The following SPAG16 variants were observed in gnomAD, a reference collection of about 807,000 sequenced individuals.
The protein encoded by SPAG16 is sperm-associated antigen 16 protein.
In SPAG16, 86 loss-of-function variants were observed where a neutral mutation model predicts 80.4. The ratio of observed to expected loss-of-function variants is 1.07; its 90% CI spans 0.90 to 1.28. SPAG16 has a LOEUF of 1.28. Ranked by LOEUF, SPAG16 falls within the 50% of genes most tolerant of loss-of-function variation. The pLI is 0.00. For synonymous variants in SPAG16, 294 were observed against 265.9 expected (o/e 1.11, Z -1.03); for missense variants, 870 against 765.3 (o/e 1.14, Z -1.61).
intron 15 of SPAG16, among the ~76,000 whole-genome samples, chr2:214,267,072 A>G (rs1691626239): frequency 6.6e-6 from 1 of 151,826 alleles, no homozygotes; most frequent in Non-Finnish European, 1.5e-5. Context: ...TCTTCACAGA[A>G]ATAGAAAAAA....
At chr2:213,536,837 C>A (rs11676279) in intron 10 of SPAG16, among the ~76,000 whole-genome samples, 1 of 151,852 alleles carries the variant, frequency 6.6e-6, no homozygotes, top group African/African-American at 2.4e-5. Context: ...GACTATAAAT[C>A]ATGCTGCTAT....
chr2:214,234,352 A>C (rs1278177876), intron 15 of SPAG16, among the ~76,000 whole-genome samples: 1 of 152,018 alleles, frequency 6.6e-6, no homozygotes, highest in Non-Finnish European at 1.5e-5. Flanking sequence ...TGAACATAGG[A>C]GTGCATGTAT....
intron 10 of SPAG16, among the ~76,000 whole-genome samples, chr2:213,815,406 C>G (rs141038013): frequency 4.3e-4 from 65 of 152,246 alleles, no homozygotes; most frequent in African/African-American, 1.2e-3. Flanking sequence ...AGTTACAGGA[C>G]TGTGTGAATT....
At position 213,284,578 on chromosome 2, in the gene SPAG16, C is replaced by T. The variant is rs1015236876; in HGVS notation, c.95C>T (p.Thr32Met). The T allele has an allele frequency of 8.1e-6, 13 of 1,609,478 alleles. No homozygotes were observed. The highest frequency in any genetic ancestry group is 1.1e-5 in the Non-Finnish European group (13 of 1,178,430). ...ACGGCAGCCGGGGACGCGAGGGACA[C>T]GGCGGACGCGGTGGCGGCTGAGGGC... Reference protein sequence around the residue: ...GLTAAGDARDTADAVAAEGAY... With the variant: ...GLTAAGDARDMADAVAAEGAY... The change falls in exon 1 of 16, where the codon ACG (threonine) becomes ATG (methionine). Residue 32 changes from threonine (T) to methionine (M), a missense_variant. By Grantham distance (81) the Thr-to-Met change is moderately conservative. Coordinates refer to ENST00000331683, the MANE Select transcript of SPAG16 (RefSeq NM_024532.5).
chr2:214,276,242 T>C (rs1692454516), intron 15 of SPAG16, among the ~76,000 whole-genome samples: 3 of 152,234 alleles, frequency 2.0e-5, no homozygotes, highest in Admixed American at 2.0e-4. Flanking sequence ...TCTTGGCTCT[T>C]TATCCAATTT....
At chr2:213,850,071 T>C (rs1241877853) in intron 10 of SPAG16, among the ~76,000 whole-genome samples, 2 of 152,206 alleles carry the variant, frequency 1.3e-5, no homozygotes, top group Non-Finnish European at 2.9e-5. Flanking sequence ...TGGAAGTAGT[T>C]CACCTGTTTC....
intron 10 of SPAG16, among the ~76,000 whole-genome samples, chr2:213,549,862 A>C (rs1455088480): frequency 6.6e-6 from 1 of 152,154 alleles, no homozygotes; most frequent in East Asian, 1.9e-4. Flanking sequence ...TAAGGTTAAA[A>C]AATTTGTGCT....
intron 10 of SPAG16, among the ~76,000 whole-genome samples, chr2:213,686,116 T>C (rs2064657435): frequency 6.6e-6 from 1 of 152,160 alleles, no homozygotes; most frequent in Non-Finnish European, 1.5e-5. Context: ...CTCTATGTGT[T>C]ACTTTATTTA....
chr2:213,909,770 G>A (rs558644241), intron 11 of SPAG16, among the ~76,000 whole-genome samples: 1 of 152,270 alleles, frequency 6.6e-6, no homozygotes, highest in Admixed American at 6.5e-5. Flanking sequence ...GATCATTCTT[G>A]ATGTGGGCTT....
chr2:213,683,342 G>GCCTC (rs2064489286), intron 10 of SPAG16, among the ~76,000 whole-genome samples: 1 of 152,150 alleles, frequency 6.6e-6, no homozygotes, highest in African/African-American at 2.4e-5. Flanking sequence ...CTTGAGGTCA[G>GCCTC]AAGTTCAAGA....
chr2:214,348,226 C>G (rs1385413978), intron 15 of SPAG16, among the ~76,000 whole-genome samples: 3 of 152,148 alleles, frequency 2.0e-5, no homozygotes, highest in African/African-American at 7.2e-5. Context: ...GGACATAATT[C>G]AGATTATGAG....
At chr2:214,057,801 A>G (rs2050024902) in intron 13 of SPAG16, among the ~76,000 whole-genome samples, 1 of 152,190 alleles carries the variant, frequency 6.6e-6, no homozygotes. Flanking sequence ...GATCTTCTAG[A>G]TAACTTGCTG....
At chr2:214,067,475 G>C (rs1314186064) in intron 13 of SPAG16, among the ~76,000 whole-genome samples, 1 of 152,044 alleles carries the variant, frequency 6.6e-6, no homozygotes, top group African/African-American at 2.4e-5. Context: ...GCCAAAATAT[G>C]TGGGACACTG....
intron 10 of SPAG16, among the ~76,000 whole-genome samples, chr2:213,613,285 C>T (rs575910894): frequency 1.3e-5 from 2 of 152,312 alleles, no homozygotes; most frequent in African/African-American, 4.8e-5. Flanking sequence ...CTCCTTGGCT[C>T]ACAAAACTCA....
chr2:213,961,586 T>G (rs563062023), intron 12 of SPAG16, among the ~76,000 whole-genome samples: 14 of 104,056 alleles, frequency 1.3e-4, no homozygotes, highest in African/African-American at 6.4e-4. Context: ...CTAACCCTAG[T>G]TTTTTTTTTT....
chr2:214,209,438 G>T (rs1009073395), intron 15 of SPAG16, among the ~76,000 whole-genome samples: 1 of 152,068 alleles, frequency 6.6e-6, no homozygotes, highest in Admixed American at 6.6e-5. Flanking sequence ...TGCATCAATC[G>T]AGAGATGTTC....
chr2:213,514,215 A>C (rs532646975), intron 10 of SPAG16, among the ~76,000 whole-genome samples: 2 of 152,242 alleles, frequency 1.3e-5, no homozygotes, highest in Non-Finnish European at 2.9e-5. Context: ...TATTTCTCAC[A>C]TTATGGTTTA....
At chr2:214,342,897 A>G (rs1697803347) in intron 15 of SPAG16, among the ~76,000 whole-genome samples, 1 of 152,220 alleles carries the variant, frequency 6.6e-6, no homozygotes. Context: ...ACATATTAAT[A>G]AAGTTGGGTG....
intron 12 of SPAG16, among the ~76,000 whole-genome samples, chr2:213,995,480 C>T (rs1467839736): frequency 1.3e-5 from 2 of 152,198 alleles, no homozygotes; most frequent in Non-Finnish European, 2.9e-5. Context: ...ATATCCGTGA[C>T]ACATGAGTCT....
Sources: gnomAD v4.1 joint callset for allele counts (sites outside exome capture counted in the v4.1 genomes callset) on GRCh38, gnomAD v4.1.1 for gene constraint, MANE v1.5 for transcripts, NCBI Gene and HGNC (gene_info 2026-07-23, HGNC 2026-07-21) for gene names.